Variants in SLIT2 observed in about 807,000 individuals in gnomAD.
SLIT2 encodes the protein slit homolog 2 protein.
Under a neutral mutation model 185.7 loss-of-function variants are expected in SLIT2, and 41 were observed. The observed-to-expected ratio is 0.22, with a 90% CI of 0.17 to 0.29. SLIT2 has a LOEUF of 0.29. Among genes scored for constraint, SLIT2 ranks in the 10% least tolerant of loss-of-function variants. The pLI, the probability that SLIT2 is intolerant of heterozygous loss-of-function variation, is 1.00. For synonymous variants in SLIT2, 693 were observed against 680.2 expected, an observed-to-expected ratio of 1.02 and a Z score of -0.29; for missense variants, 1,571 against 1,909.0, an observed-to-expected ratio of 0.82 and a Z score of 3.30.
At chr4:20,289,470 A>C (rs1424569787) in intron 4 of SLIT2, among the ~76,000 whole-genome samples, 1 of 152,106 alleles carries the variant, frequency 6.6e-6, no homozygotes, top group East Asian at 1.9e-4. Context: ...TCTATTTCCA[A>C]ATTTTTACAT....
At chr4:20,313,458 C>G (rs892194169) in intron 4 of SLIT2, among the ~76,000 whole-genome samples, 2 of 152,172 alleles carry the variant, frequency 1.3e-5, no homozygotes, top group Non-Finnish European at 2.9e-5. Context: ...GTCATCAAGT[C>G]AGCTCCCACT....
At chr4:20,452,077 G>T (rs1490860730) in intron 4 of SLIT2, among the ~76,000 whole-genome samples, 1 of 152,180 alleles carries the variant, frequency 6.6e-6, no homozygotes, top group Non-Finnish European at 1.5e-5. Flanking sequence ...AAAACTTTTT[G>T]TTCCACAAGA....
intron 29 of SLIT2, among the ~76,000 whole-genome samples, chr4:20,583,838 A>T (rs1389590578): frequency 1.3e-5 from 2 of 151,704 alleles, no homozygotes; most frequent in African/African-American, 4.8e-5. Context: ...ATAAAAATAA[A>T]ATAAAAATAA....
At chr4:20,599,640 G>C (rs1728260719) in intron 33 of SLIT2, among the ~76,000 whole-genome samples, 1 of 152,040 alleles carries the variant, frequency 6.6e-6, no homozygotes, top group African/African-American at 2.4e-5. Flanking sequence ...TATGGACTTA[G>C]GTTTTTCCAA....
At chr4:20,578,344 A>G (rs548077554) in intron 29 of SLIT2, among the ~76,000 whole-genome samples, 18 of 152,318 alleles carry the variant, frequency 1.2e-4, no homozygotes, top group African/African-American at 3.8e-4. Flanking sequence ...TTATTTTGAT[A>G]TCTTCCCTTG....
chr4:20,612,742 C>A (rs1729321138), intron 34 of SLIT2, among the ~76,000 whole-genome samples: 1 of 151,838 alleles, frequency 6.6e-6, no homozygotes, highest in Non-Finnish European at 1.5e-5. Context: ...ACGGTGAAAC[C>A]CCGTCTCTAC....
At chr4:20,495,901 A>G (rs1718188979) in intron 9 of SLIT2, among the ~76,000 whole-genome samples, 1 of 152,174 alleles carries the variant, frequency 6.6e-6, no homozygotes, top group Admixed American at 6.5e-5. Flanking sequence ...AAAGAACATC[A>G]CTAAGATTAT....
intron 4 of SLIT2, among the ~76,000 whole-genome samples, chr4:20,309,191 A>G (rs959727016): frequency 5.2e-4 from 79 of 152,282 alleles, no homozygotes; most frequent in African/African-American, 1.9e-3. Context: ...ATATTCTTAA[A>G]TTAAAAGAGT....
At chr4:20,399,244 A>G (rs1726166797) in intron 4 of SLIT2, among the ~76,000 whole-genome samples, 1 of 151,736 alleles carries the variant, frequency 6.6e-6, no homozygotes, top group South Asian at 2.1e-4. Context: ...ATAATTTTTC[A>G]CAATTATAAT....
At chr4:20,541,763 C>T (rs1417929193) in intron 20 of SLIT2, 144 bp downstream of exon 20, 10 of 674,868 alleles carry the variant, frequency 1.5e-5, no homozygotes, top group Non-Finnish European at 2.5e-5. Context: ...TGTTTTAGTG[C>T]CAGGACACTT....
In SLIT2 at chr4:20,596,498, A is replaced by C; in HGVS notation, c.3404A>C (p.Gln1135Pro). The C allele has an allele frequency of 6.2e-7, 1 of 1,614,088 alleles. No homozygotes were observed. Among genetic ancestry groups the C allele is most frequent in the Non-Finnish European group, 8.5e-7 (1 of 1,179,974 alleles). Residue 1135 changes from glutamine to proline, a missense_variant, in exon 32 of 37, where the codon CAG becomes CCG. Around this residue, in one of 3 missense-constraint regions of SLIT2, gnomAD observed 1,202 missense variants for 1,416.4 expected, o/e 0.85. Transcript: ENST00000504154. The stretch of plus-strand genomic sequence containing the variant: ...AATTTTGATTGTCAGAATGGAGCTC[A>C]GTGTATCGTCAGAATAAATGAGCCA... ...CDNFDCQNGAQCIVRINEPIC... is the reference protein window; with the variant it reads ...CDNFDCQNGAPCIVRINEPIC...
rs1180501565 is a variant in SLIT2, at chr4:20,300,594, G to A, written c.395+31713G>A. On this transcript the variant is annotated intron_variant, in intron 4 of 36. Transcript: ENST00000504154. ...TTAGTTGTCTCGCACATGTAGACAC[G>A]TGCAGACATGCACACACACACACAC... 1.4e-4 allele frequency among the ~76,000 whole-genome samples: 17 copies of A among 121,934 alleles called. No homozygotes were observed. In the Admixed American group the frequency reaches 1.5e-3, roughly 11 times the overall value. 80.0% of individuals were successfully genotyped at this position (121,934 alleles called of 152,430 possible).
intron 3 of SLIT2, among the ~76,000 whole-genome samples, chr4:20,259,360 T>C (rs530265085): frequency 2.6e-5 from 4 of 151,904 alleles, no homozygotes; most frequent in Non-Finnish European, 5.9e-5. Flanking sequence ...AAATGTTTGG[T>C]AAAATGAATA....
intron 4 of SLIT2, among the ~76,000 whole-genome samples, chr4:20,425,146 C>T (rs1728452966): frequency 6.6e-6 from 1 of 151,966 alleles, no homozygotes; most frequent in Non-Finnish European, 1.5e-5. Flanking sequence ...TTGTTTTTGA[C>T]CTTCAGACTT....
At chr4:20,501,246 G>T (rs1248504062) in intron 9 of SLIT2, among the ~76,000 whole-genome samples, 1 of 152,114 alleles carries the variant, frequency 6.6e-6, no homozygotes, top group East Asian at 1.9e-4. Context: ...ACAAAATAGT[G>T]TTCTACAATG....
chr4:20,265,642 C>T (rs1471532129), intron 3 of SLIT2, among the ~76,000 whole-genome samples: 3 of 151,122 alleles, frequency 2.0e-5, no homozygotes, highest in Non-Finnish European at 4.4e-5. Context: ...AAGAATTCTT[C>T]GTATATATTT....
intron 34 of SLIT2, among the ~76,000 whole-genome samples, chr4:20,612,079 A>G (rs1437331098): frequency 6.6e-6 from 1 of 152,020 alleles, no homozygotes; most frequent in Admixed American, 6.6e-5. Context: ...TATAAAACCA[A>G]TTTTAAAAAT....
intron 4 of SLIT2, among the ~76,000 whole-genome samples, chr4:20,446,548 T>C (rs1711823633): frequency 6.6e-6 from 1 of 152,204 alleles, no homozygotes; most frequent in Admixed American, 6.5e-5. Flanking sequence ...TTTTCAGATG[T>C]CTCTTCCCTT....
At chr4:20,309,810 A>G (rs1717922900) in intron 4 of SLIT2, among the ~76,000 whole-genome samples, 1 of 127,168 alleles carries the variant, frequency 7.9e-6, no homozygotes, top group African/African-American at 3.1e-5. Context: ...CCCAGGCTGG[A>G]GTGCAGTGGC....
Sources: gnomAD v4.1 joint callset for allele counts (sites outside exome capture counted in the v4.1 genomes callset) on GRCh38, gnomAD v4.1.1 for gene constraint, gnomAD v4.1.1 regional missense constraint, MANE v1.5 for transcripts, NCBI Gene and HGNC (gene_info 2026-07-23, HGNC 2026-07-21) for gene names.